The following FKBP3 variants were observed in gnomAD, a reference collection of about 807,000 sequenced individuals.
FKBP3 encodes the protein FKBP prolyl isomerase 3.
Under a neutral mutation model 30.6 loss-of-function variants are expected in FKBP3, and 21 were observed. The ratio of observed to expected loss-of-function variants is 0.69; its 90% CI spans 0.49 to 0.99. FKBP3 has a LOEUF of 0.99. FKBP3 is among the 50% of genes least tolerant of loss of function. The pLI, the probability that FKBP3 is intolerant of heterozygous loss-of-function variation, is 0.00. For missense variants in FKBP3, 283 were observed against 261.6 expected, an observed-to-expected ratio of 1.08 and a Z score of -0.56; for synonymous variants, 82 against 91.3, an observed-to-expected ratio of 0.90 and a Z score of 0.58.
chr14:45,123,367 C>T (rs1227411607), intron 3 of FKBP3, among the ~76,000 whole-genome samples: 1 of 151,882 alleles, frequency 6.6e-6, no homozygotes, highest in African/African-American at 2.4e-5. Flanking sequence ...CTAGGAGGAC[C>T]TGATCCCTCC....
At chr14:45,121,768 A>C (rs1884991483) in intron 3 of FKBP3, 148 bp from the exon 4 acceptor site, 1 of 799,836 alleles carries the variant, frequency 1.3e-6, no homozygotes, top group African/African-American at 1.7e-5. Context: ...TCAGTATCTA[A>C]TTTCAAGGCT....
rs371756900 is a variant in FKBP3 at position 45,116,242 on chromosome 14, T to C, written c.631A>G (p.Asn211Asp). The change falls in exon 7 of 7, where the codon AAT becomes GAT. Residue 211 changes from asparagine to aspartate, a missense_variant. Coordinates refer to ENST00000396062, the MANE Select transcript of FKBP3 (RefSeq NM_002013.4). ...KGQPDAKIPPNAKLTFEVELV... is the reference protein window; with the variant it reads ...KGQPDAKIPPDAKLTFEVELV... ...TCCACTTCAAAAGTGAGTTTTGCATTTGGTGGAATTCTGTTGAAGAAGTCA... is the reference window on the plus strand; with the variant it reads ...TCCACTTCAAAAGTGAGTTTTGCATCTGGTGGAATTCTGTTGAAGAAGTCA... 3 of 1,612,656 alleles carry C rather than the reference T, an allele frequency of 1.9e-6. No individual in the cohort carries two copies. The African/African-American group carries it at 4.0e-5, about 22-fold the overall frequency.
chr14:45,115,991 G>C lies in FKBP3; in HGVS notation c.*207C>G, dbSNP rs1884823978. 3.7e-6 allele frequency: 2 copies of C among 535,340 alleles called. No individual in the cohort carries two copies. Among genetic ancestry groups the C allele is most frequent in the South Asian group, 5.0e-5 (2 of 40,392 alleles). The allele number at this position is 535,340 out of a possible 1,614,324, so 33.2% of individuals were successfully genotyped here. A position where few individuals can be genotyped will look rare whatever the true frequency, so the allele number is the denominator to read the frequency against. ...TTCTCCTTGACCAGTATTTTACACA[G>C]CTGTAGGAAAGTATTTTAGACCAGG... On this transcript the variant is annotated 3_prime_UTR_variant, in exon 7 of 7. Coordinates refer to ENST00000396062, the MANE Select transcript of FKBP3 (RefSeq NM_002013.4).
chr14:45,117,889 G>GC lies in FKBP3; in HGVS notation c.620+138dup. On this transcript the variant is annotated intron_variant, in intron 6 of 6. Transcript: ENST00000396062. ...GCCTATTGGAGGTGCTGACACATAA[G>GC]CATCTAAAGATCAGGAAGACTAGTC... The GC allele has an allele frequency of 1.4e-5, 9 of 648,748 alleles. 1 individual carries two copies. In the South Asian group the frequency reaches 1.7e-4, roughly 12 times the overall value. 40.2% of individuals were successfully genotyped at this position (648,748 alleles called of 1,614,324 possible).
Position 45,116,068 on chromosome 14 carries a change from A to G in FKBP3, c.*130T>C, listed in dbSNP as rs919007066. ...AGCTGGGACCAAGTAAACAAATTTTATTAACTCCTTGAATTTTCCAGTTGA... is the reference window on the plus strand; with the variant it reads ...AGCTGGGACCAAGTAAACAAATTTTGTTAACTCCTTGAATTTTCCAGTTGA... On this transcript the variant is annotated 3_prime_UTR_variant, in exon 7 of 7. Coordinates refer to ENST00000396062, the MANE Select transcript of FKBP3 (RefSeq NM_002013.4). 1 of 641,494 alleles carries G rather than the reference A, an allele frequency of 1.6e-6. No homozygotes were observed. The highest frequency in any genetic ancestry group is 2.8e-6 in the Non-Finnish European group (1 of 361,254). 39.7% of individuals were successfully genotyped at this position (641,494 alleles called of 1,614,324 possible).
chr14:45,116,085 TC>T lies in FKBP3; in HGVS notation c.*112del. The T allele has an allele frequency of 1.4e-6, 1 of 730,320 alleles. No individual in the cohort carries two copies. The highest frequency in any genetic ancestry group is 2.5e-5 in the East Asian group (1 of 40,074). The allele number at this position is 730,320 out of a possible 1,614,324, so 45.2% of individuals were successfully genotyped here. A position where few individuals can be genotyped will look rare whatever the true frequency, so the allele number is the denominator to read the frequency against. ...CAAATTTTATTAACTCCTTGAATTTTCCAGTTGACTCTTCCTTTACAATAGT... is the reference window on the plus strand; with the variant it reads ...CAAATTTTATTAACTCCTTGAATTTTCAGTTGACTCTTCCTTTACAATAGT... On this transcript the variant is annotated 3_prime_UTR_variant, in exon 7 of 7. Transcript: ENST00000396062.
chr14:45,120,823 C>T (rs985269699), intron 5 of FKBP3, 64 bp downstream of exon 5: 59 of 1,309,394 alleles, frequency 4.5e-5, no homozygotes, highest in Non-Finnish European at 5.8e-5. Context: ...TAATTCTTTA[C>T]AGCACCATAC....
In FKBP3 at chr14:45,120,873, C is replaced by T; in HGVS notation, c.522+14G>A. ...GCCAGAATATCTACTGATTCATTGG[C>T]ATTCTTTACTTACTCCTCTGATAAC... On this transcript the variant is annotated intron_variant, in intron 5 of 6. Transcript: ENST00000396062. The T allele has an allele frequency of 6.2e-7, 1 of 1,600,994 alleles. No homozygotes were observed. The highest frequency in any genetic ancestry group is 8.6e-7 in the Non-Finnish European group (1 of 1,168,692).
intron 4 of FKBP3, 65 bp downstream of exon 4, chr14:45,121,420 C>T: frequency 7.2e-7 from 1 of 1,396,496 alleles, no homozygotes; most frequent in South Asian, 1.3e-5. Flanking sequence ...AACTACTCAT[C>T]TGTCTGCCAC....
intron 2 of FKBP3, 128 bp from the exon 3 acceptor site, chr14:45,130,029 A>T (rs1354911924): frequency 2.1e-6 from 1 of 477,536 alleles, no homozygotes; most frequent in Non-Finnish European, 3.6e-6. Context: ...ACAATTGTGA[A>T]TAAATGGTCT....
chr14:45,132,304 C>T (rs1885234529), intron 1 of FKBP3, among the ~76,000 whole-genome samples: 1 of 151,968 alleles, frequency 6.6e-6, no homozygotes, highest in African/African-American at 2.4e-5. Context: ...AGAAAATACC[C>T]AAAGCATAAA....
Position 45,134,440 on chromosome 14 carries a change from G to T in FKBP3, c.17C>A (p.Pro6Gln), listed in dbSNP as rs748060039. 1 of 1,610,418 alleles carries T rather than the reference G, an allele frequency of 6.2e-7. No homozygotes were observed. Among genetic ancestry groups the T allele is most frequent in the Non-Finnish European group, 8.5e-7 (1 of 1,178,404 alleles). Reference protein sequence around the residue: MAAAVPQRAWTVEQLR... With the variant: MAAAVQQRAWTVEQLR... ...CTGCTCCACGGTCCACGCCCGCTGT[G>T]GAACGGCCGCCGCCATCTTCCCCCG... Residue 6 changes from proline to glutamine, a missense_variant, in exon 1 of 7, where the codon CCA becomes CAA. Physicochemically the swap from Pro to Gln is moderately conservative, Grantham distance 76. Coordinates refer to ENST00000396062, the MANE Select transcript of FKBP3 (RefSeq NM_002013.4).
intron 2 of FKBP3, 22 bp from the exon 3 acceptor site, chr14:45,129,923 A>T: frequency 6.5e-7 from 1 of 1,527,514 alleles, no homozygotes; most frequent in Non-Finnish European, 9.0e-7. Context: ...ATGTTGTAAC[A>T]TCATACCCAG....
chr14:45,118,193 A>G (rs1362254703), intron 5 of FKBP3, 68 bp from the exon 6 acceptor site: 2 of 855,784 alleles, frequency 2.3e-6, no homozygotes, highest in Admixed American at 2.3e-5. Context: ...CAGGACAGTC[A>G]AGACAAGATT....
At chr14:45,121,080 T>A in intron 4 of FKBP3, 126 bp from the exon 5 acceptor site, 1 of 786,210 alleles carries the variant, frequency 1.3e-6, no homozygotes, top group Non-Finnish European at 2.0e-6. Context: ...CAATACTATG[T>A]ATTTTAAAAG....
At chr14:45,129,572 A>G (rs1885171437) in intron 3 of FKBP3, among the ~76,000 whole-genome samples, 1 of 152,206 alleles carries the variant, frequency 6.6e-6, no homozygotes, top group South Asian at 2.1e-4. Context: ...CAATATCAGA[A>G]GTGTTTCACA....
chr14:45,130,844 T>G, intron 1 of FKBP3, 44 bp from the exon 2 acceptor site: 1 of 1,139,092 alleles, frequency 8.8e-7, no homozygotes, highest in Non-Finnish European at 1.3e-6. Context: ...TTCTCCCGAG[T>G]AAGAAGTGTC....
intron 3 of FKBP3, among the ~76,000 whole-genome samples, chr14:45,123,179 TAAAA>T (rs35440697): frequency 8.1e-6 from 1 of 123,154 alleles, no homozygotes; most frequent in Non-Finnish European, 1.8e-5. Context: ...AGGCTCCATC[TAAAA>T]AAAAAAAAAA....
At chr14:45,133,066 C>T (rs1885258073) in intron 1 of FKBP3, among the ~76,000 whole-genome samples, 1 of 152,204 alleles carries the variant, frequency 6.6e-6, no homozygotes, top group South Asian at 2.1e-4. Context: ...CTAAATTAAT[C>T]TAAGATGCGG....
Sources: gnomAD v4.1 joint callset for allele counts (sites outside exome capture counted in the v4.1 genomes callset) on GRCh38, gnomAD v4.1.1 for gene constraint, MANE v1.5 for transcripts, NCBI Gene and HGNC (gene_info 2026-07-23, HGNC 2026-07-21) for gene names.